FNBP1: variants seen among roughly 807,000 people sequenced by gnomAD.
FNBP1 encodes formin-binding protein 1.
A neutral mutation model predicts 90.6 loss-of-function variants in FNBP1; 26 were observed. The ratio of observed to expected loss-of-function variants is 0.29; its 90% CI spans 0.21 to 0.40. The LOEUF is 0.40. Ranked by LOEUF, FNBP1 falls within the 10% of genes least tolerant of loss-of-function variation. The probability of loss-of-function intolerance (pLI) is 1.00; values close to 1 mark genes in which losing one functional copy is unlikely to be tolerated. For synonymous variants in FNBP1, 260 were observed against 265.2 expected (o/e 0.98, Z 0.19); for missense variants, 635 against 768.0 (o/e 0.83, Z 2.05).
intron 2 of FNBP1, among the ~76,000 whole-genome samples, chr9:129,984,542 G>A (rs528840601): frequency 1.5e-4 from 23 of 152,244 alleles, no homozygotes; most frequent in African/African-American, 5.3e-4. Context: ...GCAGGAGCCG[G>A]GGCTCACCCC....
At position 129,966,822 on chromosome 9, in the gene FNBP1, A is replaced by AG. The variant is rs1029183444; in HGVS notation, c.346-8270dup. ...ATTTCAATGTCAAGCTGGCTGCTGC[A>AG]GGGGGAGGCTGTTACACTTGCACTC... On this transcript the variant is annotated intron_variant, in intron 4 of 16. Coordinates refer to ENST00000446176, the MANE Select transcript of FNBP1 (RefSeq NM_015033.3). The surrounding 1 kb of genome is among the most constrained non-coding windows in gnomAD (Gnocchi z 4.3). Among the ~76,000 whole-genome samples, 4 of 152,220 alleles carry AG rather than the reference A, an allele frequency of 2.6e-5. No individual in the cohort carries two copies. The highest frequency in any genetic ancestry group is 7.2e-5 in the African/African-American group (3 of 41,468).
chr9:129,983,546 C>A (rs562036965), intron 2 of FNBP1, among the ~76,000 whole-genome samples: 127 of 152,272 alleles, frequency 8.3e-4, no homozygotes, highest in Middle Eastern at 3.4e-3. Context: ...TTCGTTCAGG[C>A]GCGGTGGCTC....
intron 6 of FNBP1, among the ~76,000 whole-genome samples, chr9:129,942,604 G>A (rs1230857694): frequency 6.6e-6 from 1 of 152,146 alleles, no homozygotes; most frequent in East Asian, 1.9e-4. Flanking sequence ...CACTGAACTT[G>A]AGGCACAGAA....
chr9:130,027,870 T>C (rs533531502), intron 1 of FNBP1, among the ~76,000 whole-genome samples: 2 of 152,004 alleles, frequency 1.3e-5, no homozygotes, highest in East Asian at 1.9e-4. Context: ...TAAAAGTAAG[T>C]ATCCTAAAAG....
intron 4 of FNBP1, among the ~76,000 whole-genome samples, chr9:129,962,524 G>T (rs1340541219): frequency 6.6e-6 from 1 of 152,200 alleles, no homozygotes; most frequent in African/African-American, 2.4e-5. Flanking sequence ...AGCGGAGTCA[G>T]AAAATGGAGC....
rs1204848435 is a variant in FNBP1, at chr9:129,947,448, A to AAAAAAAAAAAAG, written c.513+9911_513+9912insCTTTTTTTTTTT. ...AGAGTAAAACTCCGTCTCAAAAAAA[A>AAAAAAAAAAAAG]AAAAGAAAAGAAAAAAAGAAAAAAC... On this transcript the variant is annotated intron_variant, in intron 6 of 16. Transcript: ENST00000446176. 9.4e-3 allele frequency among the ~76,000 whole-genome samples: 1,425 copies of AAAAAAAAAAAAG among 151,096 alleles called. 7 individuals are homozygous for AAAAAAAAAAAAG. The highest frequency in any genetic ancestry group is 0.015 in the Non-Finnish European group (986 of 67,534).
At chr9:129,998,168 T>C (rs10739771) in intron 1 of FNBP1, among the ~76,000 whole-genome samples, 135,406 of 139,824 alleles carry the variant, frequency 0.97, 65,696 homozygotes, top group East Asian at 1. Context: ...TGCACTCCAG[T>C]CTGGGCGAAA....
intron 16 of FNBP1, among the ~76,000 whole-genome samples, chr9:129,892,510 G>C (rs559344516): frequency 6.6e-6 from 1 of 152,246 alleles, no homozygotes; most frequent in East Asian, 1.9e-4. Flanking sequence ...TGGGTTGAAG[G>C]AGGGCAGTGT....
At chr9:129,941,286 G>A (rs1477177499) in intron 6 of FNBP1, among the ~76,000 whole-genome samples, 2 of 152,178 alleles carry the variant, frequency 1.3e-5, no homozygotes, top group Admixed American at 6.5e-5. Context: ...CTACTTGGGA[G>A]GCTGAGGCAG....
chr9:129,999,285 C>T (rs906876046), intron 1 of FNBP1, among the ~76,000 whole-genome samples: 5 of 152,044 alleles, frequency 3.3e-5, no homozygotes, highest in African/African-American at 4.8e-5. Flanking sequence ...CTGGGGGCCC[C>T]TTTGCCCTCC....
chr9:129,943,669 G>A (rs2044699939), intron 6 of FNBP1, among the ~76,000 whole-genome samples: 1 of 152,072 alleles, frequency 6.6e-6, no homozygotes, highest in African/African-American at 2.4e-5. Context: ...TTACAGGCAT[G>A]AGCCACTGCG....
chr9:130,043,392 A>C (rs1335908920), upstream of FNBP1, among the ~76,000 whole-genome samples: 3 of 151,974 alleles, frequency 2.0e-5, no homozygotes, highest in Admixed American at 6.5e-5. Flanking sequence ...CGGGACCCGG[A>C]TCCCTAGGAC....
chr9:129,983,992 A>G (rs2051725337), intron 2 of FNBP1, among the ~76,000 whole-genome samples: 1 of 152,154 alleles, frequency 6.6e-6, no homozygotes, highest in South Asian at 2.1e-4. Flanking sequence ...AAAAATAAAC[A>G]TTCTTTTATA....
chr9:129,914,966 TGTTA>T (rs1438697371), intron 11 of FNBP1: 1 of 418,112 alleles, frequency 2.4e-6, no homozygotes, highest in South Asian at 1.8e-5. Context: ...TTATAGGTTA[TGTTA>T]GTTACTTTTA....
intron 1 of FNBP1, among the ~76,000 whole-genome samples, chr9:130,020,922 T>C (rs976541136): frequency 5.9e-5 from 9 of 152,176 alleles, no homozygotes; most frequent in African/African-American, 1.9e-4. Flanking sequence ...GCCAACATCC[T>C]CTATCACTGA....
rs950539988 is a variant in FNBP1 at position 129,966,210 on chromosome 9, T to C, written c.346-7657A>G. ...TCTGGGATGACATTTGAGTAGAGAC[T>C]TGCATAAAACGTGGGAGTGAACTTA... On this transcript the variant is annotated intron_variant, in intron 4 of 16. Transcript: ENST00000446176. This position sits in a 1 kb window ranked among gnomAD's most constrained non-coding sequence, Gnocchi z 4.3. 6.6e-6 allele frequency among the ~76,000 whole-genome samples: 1 copy of C among 152,152 alleles called. No individual in the cohort carries two copies. Among genetic ancestry groups the C allele is most frequent in the Non-Finnish European group, 1.5e-5 (1 of 68,026 alleles).
At chr9:129,920,221 T>C (rs1019693006) in intron 10 of FNBP1, among the ~76,000 whole-genome samples, 1 of 152,208 alleles carries the variant, frequency 6.6e-6, no homozygotes, top group Non-Finnish European at 1.5e-5. Flanking sequence ...ATAAAATTCA[T>C]ACTGCTGATT....
chr9:129,998,382 C>T (rs531199069), intron 1 of FNBP1, among the ~76,000 whole-genome samples: 17 of 151,524 alleles, frequency 1.1e-4, no homozygotes, highest in African/African-American at 3.9e-4. Context: ...GGCCTGGTGG[C>T]GCACGCCTAT....
At chr9:129,955,527 C>T (rs1472949941) in intron 6 of FNBP1, among the ~76,000 whole-genome samples, 1 of 148,052 alleles carries the variant, frequency 6.8e-6, no homozygotes, top group Non-Finnish European at 1.5e-5. Flanking sequence ...TGAGCCCATA[C>T]ACCACACCAA....
Sources: gnomAD v4.1 joint callset for allele counts (sites outside exome capture counted in the v4.1 genomes callset) on GRCh38, gnomAD v4.1.1 for gene constraint, Gnocchi (gnomAD v3.1) non-coding constraint, MANE v1.5 for transcripts, NCBI Gene and HGNC (gene_info 2026-07-23, HGNC 2026-07-21) for gene names.